The following SFRP1 variants were observed in gnomAD, a reference collection of about 807,000 sequenced individuals.
SFRP1 encodes the protein secreted frizzled-related protein 1.
Under a neutral mutation model 25.9 loss-of-function variants are expected in SFRP1, and 9 were observed. The observed-to-expected ratio is 0.35, with a 90% CI of 0.21 to 0.61. SFRP1 has a LOEUF of 0.61. SFRP1 is among the 20% of genes least tolerant of loss of function. The pLI, the probability that SFRP1 is intolerant of heterozygous loss-of-function variation, is 0.78. For missense variants in SFRP1, 346 were observed against 418.2 expected (o/e 0.83, Z 1.51); for synonymous variants, 178 against 174.0 (o/e 1.02, Z -0.18).
chr8:41,307,102 G>A (rs1003186153), intron 1 of SFRP1: 2 of 1,175,468 alleles, frequency 1.7e-6, no homozygotes, highest in Non-Finnish European at 1.1e-6. Flanking sequence ...GCTGAGGAAG[G>A]GGAGAAGGAA....
chr8:41,289,354 G>A (rs890571101), intron 2 of SFRP1, among the ~76,000 whole-genome samples: 1 of 152,256 alleles, frequency 6.6e-6, no homozygotes, highest in Non-Finnish European at 1.5e-5. Flanking sequence ...AAACAGTTCA[G>A]TAGCAGCGCA....
At chr8:41,265,721 T>A (rs1324233241) in intron 2 of SFRP1, among the ~76,000 whole-genome samples, 3 of 152,154 alleles carry the variant, frequency 2.0e-5, no homozygotes, top group Admixed American at 6.5e-5. Flanking sequence ...AATAACCCCA[T>A]CGCCCAAGCA....
chr8:41,285,316 G>A lies in SFRP1; in HGVS notation c.622+18145C>T, dbSNP rs1196556748. ...CTTCCTGGAGCCACTGCTGTCCTCC[G>A]CCCCTCGTTCCCCACGCACTATTCC... On this transcript the variant is annotated intron_variant, in intron 2 of 2. Coordinates refer to ENST00000220772, the MANE Select transcript of SFRP1 (RefSeq NM_003012.5). Among the ~76,000 whole-genome samples, 7 of 151,862 alleles carry A rather than the reference G, an allele frequency of 4.6e-5. No individual in the cohort carries two copies. In the South Asian group the frequency reaches 1.0e-3, roughly 22 times the overall value.
At chr8:41,288,551 A>ATTCC in intron 2 of SFRP1, among the ~76,000 whole-genome samples, 1 of 139,734 alleles carries the variant, frequency 7.2e-6, no homozygotes, top group Non-Finnish European at 1.5e-5. Context: ...AAAAAAAAAA[A>ATTCC]AAAAAAAAAA....
intron 2 of SFRP1, among the ~76,000 whole-genome samples, chr8:41,294,148 A>G (rs1803811571): frequency 6.6e-6 from 1 of 152,218 alleles, no homozygotes; most frequent in Admixed American, 6.5e-5. Context: ...AGGTGAGCAC[A>G]GCGGGCTGGC....
At chr8:41,276,122 G>C (rs115877226) in intron 2 of SFRP1, among the ~76,000 whole-genome samples, 1,884 of 152,190 alleles carry the variant, frequency 0.012, 32 homozygotes, top group African/African-American at 0.042. Flanking sequence ...TGCACCAGTC[G>C]CATGGGCCTG....
In SFRP1 at chr8:41,290,886, C is replaced by CTTTTTTTTTTTTTTTTTTTT. The variant is rs561965318; in HGVS notation, c.622+12555_622+12574dup. Among the ~76,000 whole-genome samples the CTTTTTTTTTTTTTTTTTTTT allele has an allele frequency of 3.0e-4, 16 of 53,872 alleles. 6 individuals are homozygous for CTTTTTTTTTTTTTTTTTTTT. Among genetic ancestry groups the CTTTTTTTTTTTTTTTTTTTT allele is most frequent in the Non-Finnish European group, 4.5e-4 (11 of 24,598 alleles). 35.3% of individuals were successfully genotyped at this position (53,872 alleles called of 152,430 possible). ...GTCTTCTTCTCCTCCTCTTCCTCGT[C>CTTTTTTTTTTTTTTTTTTTT]TTTTTTTTTTTTTTTTTTTTTTTTT... On this transcript the variant is annotated intron_variant, in intron 2 of 2. Transcript: ENST00000220772.
intron 2 of SFRP1, among the ~76,000 whole-genome samples, chr8:41,292,372 C>T (rs538945429): frequency 4.6e-5 from 7 of 152,248 alleles, no homozygotes; most frequent in African/African-American, 1.7e-4. Flanking sequence ...ATGCTGTTCT[C>T]ACGAGAGTGA....
intron 2 of SFRP1, chr8:41,271,361 A>C (rs1803504013): frequency 6.5e-6 from 1 of 153,000 alleles, no homozygotes; most frequent in Non-Finnish European, 1.5e-5. Context: ...TTCAGAGATA[A>C]CAGAGACAAT....
intron 1 of SFRP1, among the ~76,000 whole-genome samples, chr8:41,304,193 G>A (rs1378370670): frequency 2.6e-5 from 4 of 152,174 alleles, no homozygotes; most frequent in African/African-American, 9.7e-5. Context: ...CTGGGCAACT[G>A]TGAAGTGCTT....
At position 41,306,840 on chromosome 8, in the gene SFRP1, G is replaced by A. The variant is rs1446665249; in HGVS notation, c.544+1776C>T. ...AAGGTGTCCGGAAGACAGCGATTAT[G>A]GGGTTTCCCCATCCCATCACAGCCT... On this transcript the variant is annotated intron_variant, in intron 1 of 2. Transcript: ENST00000220772. The A allele has an allele frequency of 5.6e-6, 9 of 1,597,846 alleles. No individual in the cohort carries two copies. The African/African-American group carries it at 1.2e-4, about 21-fold the overall frequency.
chr8:41,300,787 A>G (rs1273995421), intron 2 of SFRP1, among the ~76,000 whole-genome samples: 1 of 152,186 alleles, frequency 6.6e-6, no homozygotes, highest in Non-Finnish European at 1.5e-5. Flanking sequence ...AGAGCCCTGC[A>G]AGCTGATGGA....
rs1351922620 is a variant in SFRP1, at chr8:41,268,237, T to C, written c.623-2748A>G. Among the ~76,000 whole-genome samples, 4 of 152,060 alleles carry C rather than the reference T, an allele frequency of 2.6e-5. No individual in the cohort carries two copies. The East Asian group carries it at 7.7e-4, about 29-fold the overall frequency. ...AGCAACCATGTTAAGAAGGCATCAA[T>C]AGTACTTTATTATAATCAAGGAGAA... On this transcript the variant is annotated intron_variant, in intron 2 of 2. Transcript: ENST00000220772.
intron 2 of SFRP1, among the ~76,000 whole-genome samples, chr8:41,282,719 C>T (rs1563362046): frequency 6.6e-6 from 1 of 152,040 alleles, no homozygotes; most frequent in Non-Finnish European, 1.5e-5. Flanking sequence ...GAACACATTG[C>T]CTTTTTGAAA....
chr8:41,263,416 T>C lies in SFRP1; in HGVS notation c.*1751A>G, dbSNP rs1220545157. On this transcript the variant is annotated 3_prime_UTR_variant, in exon 3 of 3. Transcript: ENST00000220772. ...TGAGAGGTTAATTTATCAGGATAAC[T>C]CTCCGGTAGGTAACTAGGCGGGCAT... The C allele has an allele frequency of 6.6e-6, 1 of 152,214 alleles. No homozygotes were observed. The highest frequency in any genetic ancestry group is 2.4e-5 in the African/African-American group (1 of 41,444). The allele number at this position is 152,214 out of a possible 1,614,324, so 9.4% of individuals were successfully genotyped here.
In SFRP1 at chr8:41,309,277, C is replaced by T; in HGVS notation, c.-118G>A. 2.6e-6 allele frequency: 3 copies of T among 1,150,956 alleles called. No homozygotes were observed. Among genetic ancestry groups the T allele is most frequent in the South Asian group, 8.7e-5 (2 of 23,114 alleles). The allele number at this position is 1,150,956 out of a possible 1,614,324, so 71.3% of individuals were successfully genotyped here. On this transcript the variant is annotated 5_prime_UTR_variant, in exon 1 of 3. Transcript: ENST00000220772. ...ACAAAAGGCGCAGTCCCCAGCGTTG[C>T]CCGGCTCCGCGGCCGCAAGCTGCTG... is the stretch of plus-strand genomic sequence containing the variant.
intron 2 of SFRP1, among the ~76,000 whole-genome samples, chr8:41,284,677 C>A (rs1287971270): frequency 6.6e-6 from 1 of 152,194 alleles, no homozygotes; most frequent in African/African-American, 2.4e-5. Context: ...CACACCTGCT[C>A]GCTCTACAGA....
At chr8:41,271,435 G>T in intron 2 of SFRP1, 1 of 174,020 alleles carries the variant, frequency 5.7e-6, no homozygotes, top group East Asian at 1.3e-4. Context: ...AAAGCAAGAT[G>T]GGTCACCAGC....
chr8:41,276,757 C>T (rs1803576787), intron 2 of SFRP1, among the ~76,000 whole-genome samples: 1 of 152,218 alleles, frequency 6.6e-6, no homozygotes, highest in African/African-American at 2.4e-5. Context: ...GTGGAAAATG[C>T]TCCTGAGTGG....
Sources: gnomAD v4.1 joint callset for allele counts (sites outside exome capture counted in the v4.1 genomes callset) on GRCh38, gnomAD v4.1.1 for gene constraint, MANE v1.5 for transcripts, NCBI Gene and HGNC (gene_info 2026-07-23, HGNC 2026-07-21) for gene names.